Variants in CUBN observed in about 807,000 individuals in gnomAD.
The protein encoded by CUBN is 460 kDa receptor.
CUBN carries 282 observed loss-of-function variants against 405.3 expected under a neutral mutation model. The observed-to-expected ratio is 0.70, with a 90% CI of 0.63 to 0.77. The LOEUF (loss-of-function observed/expected upper bound fraction) is 0.77. Among genes scored for constraint, CUBN ranks in the 30% least tolerant of loss-of-function variants. CUBN has a pLI of 0.00. For synonymous variants in CUBN, 1,684 were observed against 1,617.0 expected (o/e 1.04, Z -0.99); for missense variants, 4,514 against 4,475.2 (o/e 1.01, Z -0.25).
In CUBN at chr10:17,068,898, A is replaced by G. The variant is rs1214582854; in HGVS notation, c.2626-128T>C. 4 of 786,800 alleles carry G rather than the reference A, an allele frequency of 5.1e-6. No homozygotes were observed. The East Asian group carries it at 8.0e-5, about 16-fold the overall frequency. The allele number at this position is 786,800 out of a possible 1,614,324, so 48.7% of individuals were successfully genotyped here. A position where few individuals can be genotyped will look rare whatever the true frequency, so the allele number is the denominator to read the frequency against. Reference sequence around the variant, plus strand: ...TTGAGAATACAATCAATTTTAGCACATTTTAGTCACCCCCCAAAAAACACT... The same window carrying G: ...TTGAGAATACAATCAATTTTAGCACGTTTTAGTCACCCCCCAAAAAACACT... On this transcript the variant is annotated intron_variant, in intron 19 of 66. Transcript: ENST00000377833.
intron 38 of CUBN, among the ~76,000 whole-genome samples, chr10:16,938,047 T>C (rs1842565001): frequency 6.6e-6 from 1 of 152,194 alleles, no homozygotes; most frequent in Non-Finnish European, 1.5e-5. Context: ...ACTCATAAGA[T>C]GATTTACAGT....
chr10:17,045,856 G>T, intron 24 of CUBN, 78 bp downstream of exon 24: 2 of 1,433,652 alleles, frequency 1.4e-6, no homozygotes, highest in Non-Finnish European at 2.0e-6. Flanking sequence ...ACAAGTGAGG[G>T]ACAGAGCATG....
intron 27 of CUBN, among the ~76,000 whole-genome samples, chr10:17,020,434 T>G (rs1407104238): frequency 6.6e-6 from 1 of 152,210 alleles, no homozygotes; most frequent in Admixed American, 6.5e-5. Flanking sequence ...GACACAGGCA[T>G]GCAATGTATA....
At chr10:16,916,385 T>C (rs1021432163) in intron 45 of CUBN, among the ~76,000 whole-genome samples, 1 of 152,224 alleles carries the variant, frequency 6.6e-6, no homozygotes, top group Non-Finnish European at 1.5e-5. Context: ...TAGGCTGATC[T>C]GGCCTGCCTA....
At chr10:16,884,050 G>A (rs1039467552) in intron 56 of CUBN, among the ~76,000 whole-genome samples, 3 of 152,134 alleles carry the variant, frequency 2.0e-5, no homozygotes, top group Non-Finnish European at 4.4e-5. Flanking sequence ...CGCAATCTTG[G>A]CTCACTGCAA....
At chr10:16,919,326 T>G (rs1016783634) in intron 44 of CUBN, among the ~76,000 whole-genome samples, 1 of 152,202 alleles carries the variant, frequency 6.6e-6, no homozygotes, top group African/African-American at 2.4e-5. Context: ...TTAGACCCAG[T>G]GCCAGAAATA....
chr10:16,938,863 A>G (rs1035416266), intron 38 of CUBN, 100 bp downstream of exon 38: 148 of 1,060,400 alleles, frequency 1.4e-4, no homozygotes, highest in Non-Finnish European at 2.0e-4. Context: ...AGACTATCCC[A>G]CATGATTTGC....
At chr10:16,882,452 C>A (rs1039046202) in intron 56 of CUBN, among the ~76,000 whole-genome samples, 3 of 152,022 alleles carry the variant, frequency 2.0e-5, no homozygotes, top group Non-Finnish European at 2.9e-5. Flanking sequence ...ATTTTTTGTT[C>A]TATTTTTCCG....
At chr10:16,839,680 T>A (rs1839280967) in intron 62 of CUBN, among the ~76,000 whole-genome samples, 1 of 127,966 alleles carries the variant, frequency 7.8e-6, no homozygotes, top group Non-Finnish European at 1.8e-5. Flanking sequence ...GATCTAGAAC[T>A]AGAAATACCA....
At chr10:16,830,319 C>T (rs1048315746) in intron 65 of CUBN, among the ~76,000 whole-genome samples, 9 of 152,140 alleles carry the variant, frequency 5.9e-5, no homozygotes, top group Admixed American at 3.3e-4. Context: ...CCATTACCCA[C>T]GATTATCTTT....
rs893185051 is a variant in CUBN at position 16,919,864 on chromosome 10, T to G, written c.6821+99A>C. ...ATTTCCCTTTTCCCCTAGATTTCCTTGCAGTATGTGCTACTGAAAGAAATG... is the reference window on the plus strand; with the variant it reads ...ATTTCCCTTTTCCCCTAGATTTCCTGGCAGTATGTGCTACTGAAAGAAATG... On this transcript the variant is annotated intron_variant, in intron 44 of 66. Coordinates refer to ENST00000377833, the MANE Select transcript of CUBN (RefSeq NM_001081.4). 4.0e-6 allele frequency: 5 copies of G among 1,260,800 alleles called. No individual in the cohort carries two copies. In the African/African-American group the frequency reaches 4.5e-5, roughly 11 times the overall value. 78.1% of individuals were successfully genotyped at this position (1,260,800 alleles called of 1,614,324 possible).
chr10:16,844,443 CAACA>C (rs200428390), intron 60 of CUBN, among the ~76,000 whole-genome samples: 2,159 of 152,252 alleles, frequency 0.014, 17 homozygotes, highest in Middle Eastern at 0.044. Flanking sequence ...TGACGAAGTC[CAACA>C]AACAAAGCTG....
chr10:17,111,081 C>A, intron 8 of CUBN, 31 bp from the exon 9 acceptor site: 1 of 1,613,138 alleles, frequency 6.2e-7, no homozygotes. Flanking sequence ...AAAAGTTTAG[C>A]TCTATAGACA....
intron 31 of CUBN, among the ~76,000 whole-genome samples, chr10:16,969,951 T>C (rs1003710856): frequency 6.6e-6 from 1 of 151,738 alleles, no homozygotes; most frequent in Non-Finnish European, 1.5e-5. Context: ...ATCTGCCATC[T>C]TGTCCTCCTT....
intron 59 of CUBN, among the ~76,000 whole-genome samples, chr10:16,853,368 C>T (rs1839774844): frequency 6.6e-6 from 1 of 152,138 alleles, no homozygotes; most frequent in African/African-American, 2.4e-5. Flanking sequence ...TTTCTCATTC[C>T]ATTTTCTGCT....
rs1457540278 is a variant in CUBN at position 16,952,266 on chromosome 10, T to G, written c.4969+10A>C. ...CTGTGTGCCTTTTCTTTTTCATTTT[T>G]GTTACTTACATGGAGGTTGCGCTTG... On this transcript the variant is annotated intron_variant, in intron 33 of 66. Coordinates refer to ENST00000377833, the MANE Select transcript of CUBN (RefSeq NM_001081.4). 6.3e-7 allele frequency: 1 copy of G among 1,595,702 alleles called. No homozygotes were observed. Among genetic ancestry groups the G allele is most frequent in the Admixed American group, 1.7e-5 (1 of 59,970 alleles).
chr10:17,067,194 C>T (rs1017954436), intron 21 of CUBN, among the ~76,000 whole-genome samples: 1 of 152,010 alleles, frequency 6.6e-6, no homozygotes, highest in Non-Finnish European at 1.5e-5. Context: ...AAAACCATAG[C>T]AGGAAACAAT....
Position 16,990,373 on chromosome 10 carries a change from A to T in CUBN, c.4311T>A (p.Asp1437Glu). 1 of 1,614,126 alleles carries T rather than the reference A, an allele frequency of 6.2e-7. No homozygotes were observed. The highest frequency in any genetic ancestry group is 1.3e-5 in the African/African-American group (1 of 75,024). Reference protein sequence around the residue: ...SSIQLTIHDFDVEYHSRCNFD... With the variant: ...SSIQLTIHDFEVEYHSRCNFD... ...AGTTGCACCTTGAATGATACTCCAC[A>T]TCGAAGTCATGGATGGTGAGCTGAA... The change falls in exon 29 of 67, where the codon GAT becomes GAA. Residue 1437 changes from aspartate (D) to glutamate (E), a missense_variant. Coordinates refer to ENST00000377833, the MANE Select transcript of CUBN (RefSeq NM_001081.4).
At chr10:17,081,990 G>A (rs554407456) in intron 17 of CUBN, among the ~76,000 whole-genome samples, 7 of 151,726 alleles carry the variant, frequency 4.6e-5, no homozygotes, top group Non-Finnish European at 7.4e-5. Context: ...AACAATCCTT[G>A]AGGGAAATTT....
Sources: allele counts gnomAD v4.1 joint callset (sites outside exome capture counted in the v4.1 genomes callset), GRCh38; gene constraint gnomAD v4.1.1; transcripts MANE v1.5; gene names NCBI Gene and HGNC (gene_info 2026-07-23, HGNC 2026-07-21).